The following CTNNA2 variants were observed in gnomAD, a reference collection of about 807,000 sequenced individuals.
CTNNA2 encodes catenin alpha-2.
In CTNNA2, 42 loss-of-function variants were observed where a neutral mutation model predicts 101.0. The ratio of observed to expected loss-of-function variants is 0.42; its 90% CI spans 0.32 to 0.54. The LOEUF is 0.54. Ranked by LOEUF, CTNNA2 falls within the 20% of genes least tolerant of loss-of-function variation. CTNNA2 has a pLI of 0.14. For synonymous variants in CTNNA2, 450 were observed against 456.4 expected (o/e 0.99, Z 0.18); for missense variants, 871 against 1,223.1 (o/e 0.71, Z 4.29).
intron 7 of CTNNA2, among the ~76,000 whole-genome samples, chr2:80,149,774 TCA>T (rs10595115): frequency 0.28 from 39,355 of 142,930 alleles, 5,450 homozygotes; most frequent in Non-Finnish European, 0.33. Flanking sequence ...TTAGAATGGA[TCA>T]CACACACACA....
chr2:80,529,689 G>C (rs1170398973), intron 9 of CTNNA2, among the ~76,000 whole-genome samples: 1 of 152,166 alleles, frequency 6.6e-6, no homozygotes, highest in East Asian at 1.9e-4. Context: ...CCAGCCTCTA[G>C]AGCACAAAAC....
intron 9 of CTNNA2, among the ~76,000 whole-genome samples, chr2:80,494,220 A>G (rs1687268747): frequency 6.6e-6 from 1 of 152,210 alleles, no homozygotes; most frequent in Admixed American, 6.5e-5. Context: ...GAAAACTAGG[A>G]CAGTAATAAA....
chr2:80,048,236 A>G (rs574173094), intron 7 of CTNNA2, among the ~76,000 whole-genome samples: 3 of 152,240 alleles, frequency 2.0e-5, no homozygotes, highest in Non-Finnish European at 4.4e-5. Flanking sequence ...ATCTACTTAT[A>G]CTAAAATATT....
intron 12 of CTNNA2, among the ~76,000 whole-genome samples, chr2:80,565,083 G>C (rs553021852): frequency 6.6e-6 from 1 of 152,148 alleles, no homozygotes; most frequent in Non-Finnish European, 1.5e-5. Flanking sequence ...AAAGGAAATA[G>C]TTTCAAGAGA....
chr2:79,649,344 C>G (rs935525583), intron 1 of CTNNA2: 2 of 154,754 alleles, frequency 1.3e-5, no homozygotes, highest in Admixed American at 6.5e-5. Flanking sequence ...ATGACCATGA[C>G]TGAGTATCCA....
chr2:80,638,608 GT>G (rs2149847579), intron 18 of CTNNA2, among the ~76,000 whole-genome samples: 1 of 152,212 alleles, frequency 6.6e-6, no homozygotes, highest in African/African-American at 2.4e-5. Context: ...AGAATGCCTT[GT>G]TTCGGGTTGA....
At position 79,683,596 on chromosome 2, in the gene CTNNA2, A is replaced by G. The variant is rs149729077; in HGVS notation, c.102+31938A>G. 3.4e-3 allele frequency among the ~76,000 whole-genome samples: 514 copies of G among 152,334 alleles called. 4 individuals are homozygous for G. The highest frequency in any genetic ancestry group is 0.012 in the African/African-American group (489 of 41,574). ...AATGCTTAGAAGATCATTAGCACAT[A>G]TTAGCCACAAAGAAGCACTCTTTTA... On this transcript the variant is annotated intron_variant, in intron 2 of 18. Coordinates refer to ENST00000402739, the MANE Select transcript of CTNNA2 (RefSeq NM_001282597.3).
intron 4 of CTNNA2, among the ~76,000 whole-genome samples, chr2:79,375,030 C>G (rs1163059196): frequency 6.6e-6 from 1 of 152,086 alleles, no homozygotes; most frequent in Non-Finnish European, 1.5e-5. Flanking sequence ...AATAGAGTTG[C>G]TCATTTTTGG....
intron 8 of CTNNA2, among the ~76,000 whole-genome samples, chr2:80,410,918 C>T (rs1222693635): frequency 6.6e-6 from 1 of 152,182 alleles, no homozygotes; most frequent in Admixed American, 6.5e-5. Context: ...TCCTAATACT[C>T]TTAAGAGTGA....
At chr2:79,674,797 G>A (rs560360308) in intron 2 of CTNNA2, among the ~76,000 whole-genome samples, 119 of 152,242 alleles carry the variant, frequency 7.8e-4, no homozygotes, top group Admixed American at 1.2e-3. Flanking sequence ...AACCAAAACC[G>A]AAATTCAAGA....
intron 7 of CTNNA2, among the ~76,000 whole-genome samples, chr2:80,284,351 G>C (rs954546943): frequency 6.6e-6 from 1 of 152,078 alleles, no homozygotes; most frequent in Non-Finnish European, 1.5e-5. Context: ...ATAAACAACT[G>C]TCAAGATTTT....
chr2:80,232,742 C>T lies in CTNNA2; in HGVS notation c.1057-160469C>T, dbSNP rs1321753373. Among the ~76,000 whole-genome samples, 4 of 152,132 alleles carry T rather than the reference C, an allele frequency of 2.6e-5. No individual in the cohort carries two copies. In the East Asian group the frequency reaches 7.8e-4, roughly 30 times the overall value. On this transcript the variant is annotated intron_variant, in intron 7 of 18. Transcript: ENST00000402739. ...GTTCAGGTCTCACATGAGGAATGGC[C>T]CCTACCTTCCTGCCCTTGAGTTCCA... is the stretch of plus-strand genomic sequence containing the variant.
chr2:80,000,432 C>G (rs1692863669), intron 7 of CTNNA2, among the ~76,000 whole-genome samples: 1 of 152,128 alleles, frequency 6.6e-6, no homozygotes, highest in South Asian at 2.1e-4. Context: ...ACAAACAAAA[C>G]AGCCATCACT....
chr2:79,945,995 T>C (rs1200365506), intron 7 of CTNNA2, among the ~76,000 whole-genome samples: 3 of 152,088 alleles, frequency 2.0e-5, no homozygotes, highest in Non-Finnish European at 4.4e-5. Context: ...GAGAAGGTAA[T>C]AGTTTGGCTA....
chr2:79,694,294 T>C (rs769484949), intron 2 of CTNNA2, among the ~76,000 whole-genome samples: 4 of 151,950 alleles, frequency 2.6e-5, no homozygotes, highest in Non-Finnish European at 4.4e-5. Context: ...GTTTAGACTA[T>C]CCAGTAAATA....
At chr2:80,571,134 A>G (rs1016627533) in intron 12 of CTNNA2, among the ~76,000 whole-genome samples, 1 of 152,196 alleles carries the variant, frequency 6.6e-6, no homozygotes, top group African/African-American at 2.4e-5. Flanking sequence ...AAGCAACACC[A>G]TAACCTTTTT....
chr2:80,405,921 A>G (rs959907613), intron 8 of CTNNA2, among the ~76,000 whole-genome samples: 3 of 152,212 alleles, frequency 2.0e-5, no homozygotes, highest in African/African-American at 4.8e-5. Context: ...TTTTTCACGA[A>G]TGCATCAATC....
At chr2:80,516,409 G>T (rs540379260) in intron 9 of CTNNA2, among the ~76,000 whole-genome samples, 5 of 152,262 alleles carry the variant, frequency 3.3e-5, no homozygotes, top group Admixed American at 6.5e-5. Context: ...AGGCCAGGGT[G>T]ACTGGCTGCA....
chr2:79,514,751 C>G (rs1671717528), intron 1 of CTNNA2: 1 of 152,090 alleles, frequency 6.6e-6, no homozygotes, highest in Non-Finnish European at 1.5e-5. Context: ...TTATATTCTC[C>G]TAAAACAACA....
Sources: allele counts gnomAD v4.1 joint callset (sites outside exome capture counted in the v4.1 genomes callset), GRCh38; gene constraint gnomAD v4.1.1; transcripts MANE v1.5; gene names NCBI Gene and HGNC (gene_info 2026-07-23, HGNC 2026-07-21).